Variants in CALD1 observed in about 807,000 individuals in gnomAD.
CALD1 encodes caldesmon 1, also known as caldesmon.
In CALD1, 33 loss-of-function variants were observed where a neutral mutation model predicts 99.9. The observed-to-expected ratio is 0.33, with a 90% CI of 0.25 to 0.44. CALD1 has a LOEUF of 0.44. CALD1 is among the 20% of genes least tolerant of loss of function. The probability of loss-of-function intolerance (pLI) is 1.00; values close to 1 mark genes in which losing one functional copy is unlikely to be tolerated. For missense variants in CALD1, 861 were observed against 962.1 expected (o/e 0.89, Z 1.39); for synonymous variants, 310 against 325.0 (o/e 0.95, Z 0.50).
intron 1 of CALD1, among the ~76,000 whole-genome samples, chr7:134,759,291 A>C (rs1288567071): frequency 3.9e-5 from 6 of 152,208 alleles, no homozygotes; most frequent in Admixed American, 2.6e-4. Flanking sequence ...CAAAAGTCTA[A>C]GTGCAAGGTA....
chr7:134,933,690 AAGG>A lies in CALD1; in HGVS notation c.924_926del (p.Arg309del), dbSNP rs749743284. 6.3e-7 allele frequency: 1 copy of A among 1,585,504 alleles called. No homozygotes were observed. The highest frequency in any genetic ancestry group is 1.1e-5 in the South Asian group (1 of 87,356). On this transcript the variant is annotated inframe_deletion, in exon 5 of 15. Coordinates refer to ENST00000361675, the MANE Select transcript of CALD1 (RefSeq NM_033138.4). ...AAAAAGCAGCTGCCCAAGAAAGAGA[AAGG>A]AGAGAGGCAGAAGAGAGGGAAAGGA...
At chr7:134,808,875 A>G (rs763716973) in intron 1 of CALD1, among the ~76,000 whole-genome samples, 5 of 152,236 alleles carry the variant, frequency 3.3e-5, no homozygotes, top group Non-Finnish European at 5.9e-5. Flanking sequence ...TCTGCACTGA[A>G]GTATTTTAAA....
intron 1 of CALD1, among the ~76,000 whole-genome samples, chr7:134,748,776 T>G (rs1319107588): frequency 7.4e-6 from 1 of 134,974 alleles, no homozygotes; most frequent in East Asian, 2.3e-4. Context: ...AAGGGTGAAA[T>G]TCTATGGTCT....
chr7:134,774,501 G>A (rs796474351), intron 1 of CALD1, among the ~76,000 whole-genome samples: 24 of 152,292 alleles, frequency 1.6e-4, no homozygotes, highest in African/African-American at 5.8e-4. Context: ...CTTCAAAGAA[G>A]AATCAGAATA....
At position 134,927,133 on chromosome 7, in the gene CALD1, G is replaced by C. The variant is rs554109901; in HGVS notation, c.72-1621G>C. Among the ~76,000 whole-genome samples, 7 of 152,164 alleles carry C rather than the reference G, an allele frequency of 4.6e-5. No homozygotes were observed. The South Asian group carries it at 1.5e-3, about 32-fold the overall frequency. On this transcript the variant is annotated intron_variant, in intron 3 of 14. Coordinates refer to ENST00000361675, the MANE Select transcript of CALD1 (RefSeq NM_033138.4). ...TCCTTTCTTGGCACTCTGTATCTCA[G>C]TACACATTCTACCTTCAAAAACAGC...
At chr7:134,909,952 T>C (rs181716312) in intron 3 of CALD1, among the ~76,000 whole-genome samples, 5 of 152,190 alleles carry the variant, frequency 3.3e-5, no homozygotes, top group Admixed American at 2.6e-4. Context: ...TCAAGTAAGA[T>C]TGAGAGCACA....
At chr7:134,840,361 A>G (rs915601305) in intron 1 of CALD1, among the ~76,000 whole-genome samples, 2 of 152,194 alleles carry the variant, frequency 1.3e-5, no homozygotes, top group African/African-American at 2.4e-5. Flanking sequence ...CTTCAGTTAA[A>G]TGGGGCTGAG....
chr7:134,725,173 G>GT, the CALD1 span, among the ~76,000 whole-genome samples: 1 of 152,198 alleles, frequency 6.6e-6, no homozygotes, highest in Non-Finnish European at 1.5e-5. Context: ...CCTGGCCTGA[G>GT]TACCTATGTG....
chr7:134,714,964 C>G, the CALD1 span, among the ~76,000 whole-genome samples: 1 of 152,166 alleles, frequency 6.6e-6, no homozygotes, highest in Non-Finnish European at 1.5e-5. Flanking sequence ...AGTCTCCTAC[C>G]TCAATACCAG....
intron 2 of CALD1, among the ~76,000 whole-genome samples, chr7:134,845,717 G>A (rs1241914441): frequency 6.6e-6 from 1 of 152,214 alleles, no homozygotes; most frequent in East Asian, 1.9e-4. Flanking sequence ...GTCAATGAAT[G>A]AGGCCACCAA....
chr7:134,831,352 C>T (rs1799212607), intron 1 of CALD1, among the ~76,000 whole-genome samples: 1 of 151,964 alleles, frequency 6.6e-6, no homozygotes, highest in Non-Finnish European at 1.5e-5. Context: ...CGGAGTCTTC[C>T]TCTGTTGCCC....
the CALD1 span, among the ~76,000 whole-genome samples, chr7:134,715,973 T>C: frequency 3.9e-5 from 6 of 152,280 alleles, no homozygotes; most frequent in East Asian, 1.2e-3. Flanking sequence ...TTATTATTAT[T>C]ATACTTTAAG....
chr7:134,773,774 C>T (rs957030036), intron 1 of CALD1, among the ~76,000 whole-genome samples: 7 of 145,240 alleles, frequency 4.8e-5, no homozygotes, highest in Non-Finnish European at 7.5e-5. Flanking sequence ...TCCTACCCAA[C>T]CTCTCTTCTG....
At chr7:134,932,471 GAA>G (rs1457225245) in intron 4 of CALD1, among the ~76,000 whole-genome samples, 1 of 152,222 alleles carries the variant, frequency 6.6e-6, no homozygotes, top group Non-Finnish European at 1.5e-5. Flanking sequence ...AGCAAGTCCA[GAA>G]ACAACGATTT....
chr7:134,897,753 C>T (rs938128883), intron 3 of CALD1, among the ~76,000 whole-genome samples: 20 of 152,126 alleles, frequency 1.3e-4, no homozygotes, highest in African/African-American at 4.6e-4. Context: ...GTCACTCAGT[C>T]TGGAGTGCAG....
intron 11 of CALD1, 137 bp downstream of exon 11, chr7:134,958,427 T>G (rs1807946688): frequency 3.1e-6 from 2 of 639,144 alleles, no homozygotes; most frequent in Non-Finnish European, 5.3e-6. Context: ...TTTTTTTTTT[T>G]TGAGACGGAG....
chr7:134,964,190 G>A (rs1389854054), intron 13 of CALD1, among the ~76,000 whole-genome samples: 1 of 152,136 alleles, frequency 6.6e-6, no homozygotes, highest in East Asian at 1.9e-4. Flanking sequence ...GAGCAAGACT[G>A]TCTCACAACA....
chr7:134,941,093 T>C lies in CALD1; in HGVS notation c.1388T>C (p.Ile463Thr), dbSNP rs746070159. 6.2e-7 allele frequency: 1 copy of C among 1,605,896 alleles called. No homozygotes were observed. Among genetic ancestry groups the C allele is most frequent in the South Asian group, 1.1e-5 (1 of 89,102 alleles). ...EDKPTFKKEEIKDEKIKKDKE... is the reference protein window; with the variant it reads ...EDKPTFKKEETKDEKIKKDKE... ...TTCCTGATATGTACTGTTGGTTAGA[T>C]CAAAGATGAAAAGATTAAAAAGGAC... The change falls in exon 7 of 15, where the codon ATC becomes ACC. Residue 463 changes from isoleucine to threonine, a missense_variant and splice_region_variant. This residue lies in a region of CALD1 where 293 missense variants were observed against 262.7 expected (regional missense o/e 1.12). Transcript: ENST00000361675.
the CALD1 span, among the ~76,000 whole-genome samples, chr7:134,730,043 AG>A: frequency 6.6e-6 from 1 of 152,142 alleles, no homozygotes; most frequent in Non-Finnish European, 1.5e-5. Flanking sequence ...GAGAGAGCAG[AG>A]GACATGAGGC....
Sources: gnomAD v4.1 joint callset for allele counts (sites outside exome capture counted in the v4.1 genomes callset) on GRCh38, gnomAD v4.1.1 for gene constraint, gnomAD v4.1.1 regional missense constraint, MANE v1.5 for transcripts, NCBI Gene and HGNC (gene_info 2026-07-23, HGNC 2026-07-21) for gene names.